Variants in PDGFB observed in about 807,000 individuals in gnomAD.
PDGFB encodes platelet-derived growth factor subunit B.
In PDGFB, 6 loss-of-function variants were observed where a neutral mutation model predicts 29.0. The ratio of observed to expected loss-of-function variants is 0.21; its 90% CI spans 0.11 to 0.41. The LOEUF (loss-of-function observed/expected upper bound fraction) is 0.41, where lower values mean the gene tolerates loss of function less well. Ranked by LOEUF, PDGFB falls within the 10% of genes least tolerant of loss-of-function variation. The pLI is 1.00. For missense variants in PDGFB, 299 were observed against 341.8 expected (o/e 0.87, Z 0.99); for synonymous variants, 144 against 140.8 (o/e 1.02, Z -0.16).
In PDGFB at chr22:39,225,682, G is replaced by C. The variant is rs1472181809; in HGVS notation, c.*28+13C>G. 3 of 1,595,248 alleles carry C rather than the reference G, an allele frequency of 1.9e-6. No individual in the cohort carries two copies. The highest frequency in any genetic ancestry group is 2.6e-6 in the Non-Finnish European group (3 of 1,167,742). ...CAGGATTCTGGGCCTCAGTTGCCCC[G>C]CCTGGCCCTCACCTGCCCACACACT... is the stretch of plus-strand genomic sequence containing the variant. On this transcript the variant is annotated intron_variant, in intron 6 of 6. Coordinates refer to ENST00000331163, the MANE Select transcript of PDGFB (RefSeq NM_002608.4).
Position 39,244,649 on chromosome 22 carries a change from C to A in PDGFB, c.-686G>T, listed in dbSNP as rs1392210333. ...GTGCCCGCTGCGCGCTCGGCTGGGC[C>A]CGGCCGACAGGTGGACGCGGCGCGA... On this transcript the variant is annotated 5_prime_UTR_variant, in exon 1 of 7. Transcript: ENST00000331163. The surrounding 1 kb of genome is among the most constrained non-coding windows in gnomAD (Gnocchi z 4.5). The A allele has an allele frequency of 1.8e-5, 3 of 163,582 alleles. No homozygotes were observed. The East Asian group carries it at 3.4e-4, about 19-fold the overall frequency. 10.1% of individuals were successfully genotyped at this position (163,582 alleles called of 1,614,324 possible).
intron 1 of PDGFB, among the ~76,000 whole-genome samples, chr22:39,239,176 T>G (rs1932511587): frequency 6.6e-6 from 1 of 152,322 alleles, no homozygotes; most frequent in South Asian, 2.1e-4. Flanking sequence ...CATCATTAAT[T>G]CTTTCCGGAT....
Position 39,243,256 on chromosome 22 carries a change from CTCTCT to C in PDGFB, c.63+640_63+644del. On this transcript the variant is annotated intron_variant, in intron 1 of 6. Coordinates refer to ENST00000331163, the MANE Select transcript of PDGFB (RefSeq NM_002608.4). The surrounding 1 kb of genome is among the most constrained non-coding windows in gnomAD (Gnocchi z 6.4). The stretch of plus-strand genomic sequence containing the variant: ...TCTCTCTCCGTCTCTCTCTCCGTCT[CTCTCT>C]CTCTCTCTCTCTTTCTCTCTCTCTC... Among the ~76,000 whole-genome samples, 3 of 28,894 alleles carry C rather than the reference CTCTCT, an allele frequency of 1.0e-4. No individual in the cohort carries two copies. The highest frequency in any genetic ancestry group is 1.3e-4 in the African/African-American group (2 of 15,688). The allele number at this position is 28,894 out of a possible 152,430, so 19.0% of individuals were successfully genotyped here. A position where few individuals can be genotyped will look rare whatever the true frequency, so the allele number is the denominator to read the frequency against.
At chr22:39,240,769 GA>G in intron 1 of PDGFB, 1 of 1,483,750 alleles carries the variant, frequency 6.7e-7, no homozygotes, top group Non-Finnish European at 9.4e-7. Context: ...AATAAACAAT[GA>G]AATAAACCAG....
rs1480528383 is a variant in PDGFB at position 39,235,785 on chromosome 22, G to A, written c.153C>T (p.Asp51=). 2 of 1,611,368 alleles carry A rather than the reference G, an allele frequency of 1.2e-6. No homozygotes were observed. Among genetic ancestry groups the A allele is most frequent in the Admixed American group, 3.3e-5 (2 of 60,006 alleles). Residue 51 remains aspartate (D), a synonymous_variant, in exon 2 of 7, where the codon GAC becomes GAT. Transcript: ENST00000331163. ...FDDLQRLLHG[D]PGEEDGAELD... is the part of the protein sequence containing the mutation. ...GGCGAGGATTCCATTTACCTCCGGG[G>A]TCTCCGTGCAGCAGGCGTTGGAGAT...
At chr22:39,237,371 A>T (rs184802684) in intron 1 of PDGFB, among the ~76,000 whole-genome samples, 10 of 152,296 alleles carry the variant, frequency 6.6e-5, no homozygotes, top group African/African-American at 2.4e-4. Flanking sequence ...TTGTTTGAAC[A>T]TGGAGCTTAC....
chr22:39,239,218 C>T (rs549890260), intron 1 of PDGFB, among the ~76,000 whole-genome samples: 2 of 152,312 alleles, frequency 1.3e-5, no homozygotes, highest in Admixed American at 6.5e-5. Flanking sequence ...GAGTGGCACA[C>T]GTGCTCAGGG....
intron 1 of PDGFB, among the ~76,000 whole-genome samples, chr22:39,239,436 C>G (rs1469555048): frequency 1.3e-5 from 2 of 152,214 alleles, no homozygotes; most frequent in Non-Finnish European, 2.9e-5. Flanking sequence ...TCAGCACGTG[C>G]TCAGCTCCAG....
intron 2 of PDGFB, among the ~76,000 whole-genome samples, chr22:39,234,518 T>C (rs945854370): frequency 1.3e-5 from 2 of 152,208 alleles, no homozygotes; most frequent in East Asian, 1.9e-4. Flanking sequence ...ACCGACCCAC[T>C]GGCCCCATCC....
Position 39,223,763 on chromosome 22 carries a change from G to T in PDGFB, c.*1579C>A, listed in dbSNP as rs1257404709. ...TAAATTTTACATTTAAAAAATAAAA[G>T]GAAAGCCCCCAAAAATATAATCACC... On this transcript the variant is annotated 3_prime_UTR_variant, in exon 7 of 7. Coordinates refer to ENST00000331163, the MANE Select transcript of PDGFB (RefSeq NM_002608.4). The T allele has an allele frequency of 1.3e-5, 2 of 152,596 alleles. No individual in the cohort carries two copies. Among genetic ancestry groups the T allele is most frequent in the African/African-American group, 4.8e-5 (2 of 41,452 alleles). 9.5% of individuals were successfully genotyped at this position (152,596 alleles called of 1,614,324 possible).
At position 39,231,084 on chromosome 22, in the gene PDGFB, G is replaced by A. The variant is rs977806693; in HGVS notation, c.456+538C>T. ...TTGTCAGGGGACCTGCCCCAGCTCC[G>A]CAGTGTCTATCACCTGGTGGGCCTC... On this transcript the variant is annotated intron_variant, in intron 4 of 6. Transcript: ENST00000331163. The surrounding 1 kb of genome is among the most constrained non-coding windows in gnomAD (Gnocchi z 4.3). Among the ~76,000 whole-genome samples, 11 of 152,192 alleles carry A rather than the reference G, an allele frequency of 7.2e-5. No homozygotes were observed. The highest frequency in any genetic ancestry group is 2.0e-4 in the Admixed American group (3 of 15,272).
At chr22:39,241,662 T>G (rs1316109913) in intron 1 of PDGFB, among the ~76,000 whole-genome samples, 1 of 152,134 alleles carries the variant, frequency 6.6e-6, no homozygotes, top group Non-Finnish European at 1.5e-5. Context: ...GTCAGCGGCC[T>G]CCCCGGGGCA....
In PDGFB at chr22:39,225,792, G is replaced by T. The variant is rs35978693; in HGVS notation, c.657C>A (p.Pro219=). 2.8e-3 allele frequency: 4,546 copies of T among 1,614,018 alleles called. 111 individuals carry two copies. In the African/African-American group the frequency reaches 0.055, roughly 19 times the overall value. Residue 219 remains proline (P), a synonymous_variant, in exon 6 of 7, where the codon CCC becomes CCA. Coordinates refer to ENST00000331163, the MANE Select transcript of PDGFB (RefSeq NM_002608.4). The part of the protein sequence containing the change: ...TIRTVRVRRP[P]KGKHRKFKHT... The stretch of plus-strand genomic sequence containing the variant: ...GCTTGAATTTCCGGTGCTTGCCCTT[G>T]GGGGGCCGGCGGACTCGCACCGTCC...
rs776541190 is a variant in PDGFB, at chr22:39,235,884, A to G, written c.64-10T>C. 1 of 1,597,556 alleles carries G rather than the reference A, an allele frequency of 6.3e-7. No individual in the cohort carries two copies. The highest frequency in any genetic ancestry group is 1.7e-5 in the Admixed American group (1 of 59,902). On this transcript the variant is annotated splice_polypyrimidine_tract_variant and intron_variant, in intron 1 of 6. Coordinates refer to ENST00000331163, the MANE Select transcript of PDGFB (RefSeq NM_002608.4). ...CGGGAATGGGGTCCCCCTGCCGGGC[A>G]GACACCAAAAGGCTGAGTGAGCTGG...
chr22:39,230,308 C>T (rs1029570235), intron 4 of PDGFB, 80 bp from the exon 5 acceptor site: 3 of 1,424,434 alleles, frequency 2.1e-6, no homozygotes, highest in Non-Finnish European at 2.9e-6. Context: ...TTGCGCTTCC[C>T]ACCCCGGTGT....
rs1932100876 is a variant in PDGFB at position 39,223,825 on chromosome 22, G to A, written c.*1517C>T. ...CTGAAGGAAGCAGGTTTTGGAAGGC[G>A]GGAAGGGGGAAAGTGCAGTAGGTGG... On this transcript the variant is annotated 3_prime_UTR_variant, in exon 7 of 7. Transcript: ENST00000331163. 6.6e-6 allele frequency: 1 copy of A among 152,592 alleles called. No individual in the cohort carries two copies. Among genetic ancestry groups the A allele is most frequent in the South Asian group, 2.1e-4 (1 of 4,836 alleles). The allele number at this position is 152,592 out of a possible 1,614,324, so 9.5% of individuals were successfully genotyped here. A position where few individuals can be genotyped will look rare whatever the true frequency, so the allele number is the denominator to read the frequency against.
chr22:39,227,749 G>A (rs1932202123), intron 5 of PDGFB, among the ~76,000 whole-genome samples: 1 of 152,170 alleles, frequency 6.6e-6, no homozygotes, highest in Admixed American at 6.5e-5. Flanking sequence ...AGGGACAGCT[G>A]TGTCTGCTGA....
At chr22:39,233,842 C>T (rs866069136) in intron 2 of PDGFB, among the ~76,000 whole-genome samples, 3 of 152,174 alleles carry the variant, frequency 2.0e-5, no homozygotes, top group East Asian at 1.9e-4. Context: ...GCCTCCAGGG[C>T]GGGGCCGGGA....
Position 39,242,575 on chromosome 22 carries a change from A to C in PDGFB, c.63+1326T>G. Among the ~76,000 whole-genome samples, 1 of 149,832 alleles carries C rather than the reference A, an allele frequency of 6.7e-6. No individual in the cohort carries two copies. The highest frequency in any genetic ancestry group is 1.5e-5 in the Non-Finnish European group (1 of 67,290). ...TGCGGGCCGCGGGGGGCGGCCGCGG[A>C]AGGGCGGGGCCCCCGGGCGGGCGGC... On this transcript the variant is annotated intron_variant, in intron 1 of 6. Coordinates refer to ENST00000331163, the MANE Select transcript of PDGFB (RefSeq NM_002608.4). This position sits in a 1 kb window ranked among gnomAD's most constrained non-coding sequence, Gnocchi z 5.7.
Sources: allele counts gnomAD v4.1 joint callset (sites outside exome capture counted in the v4.1 genomes callset), GRCh38; gene constraint gnomAD v4.1.1; non-coding constraint Gnocchi (gnomAD v3.1); transcripts MANE v1.5; gene names NCBI Gene and HGNC (gene_info 2026-07-23, HGNC 2026-07-21).